SYNE3: variants seen among roughly 807,000 people sequenced by gnomAD.
SYNE3 encodes spectrin repeat containing nuclear envelope family member 3.
A neutral mutation model predicts 111.2 loss-of-function variants in SYNE3; 100 were observed. The ratio of observed to expected loss-of-function variants is 0.90; its 90% CI spans 0.77 to 1.06. The LOEUF (loss-of-function observed/expected upper bound fraction) is 1.06. Ranked by LOEUF, SYNE3 falls within the 50% of genes least tolerant of loss-of-function variation. The pLI, the probability that SYNE3 is intolerant of heterozygous loss-of-function variation, is 0.00. For missense variants in SYNE3, 1,160 were observed against 1,240.3 expected, an observed-to-expected ratio of 0.94 and a Z score of 0.97; for synonymous variants, 547 against 533.9, an observed-to-expected ratio of 1.02 and a Z score of -0.34.
intron 4 of SYNE3, among the ~76,000 whole-genome samples, chr14:95,463,102 G>C (rs1887942560): frequency 6.6e-6 from 1 of 152,198 alleles, no homozygotes; most frequent in South Asian, 2.1e-4. Context: ...GTTGCAGTGA[G>C]CTGAGATCAT....
chr14:95,457,187 G>A lies in SYNE3; in HGVS notation c.779C>T (p.Ser260Phe). Reference sequence around the variant, plus strand: ...ACAGCTGGGGATTACCTGCAGTGTGGAGAGGCGCTGCGTGATGGGCAGCTT... The same window carrying A: ...ACAGCTGGGGATTACCTGCAGTGTGAAGAGGCGCTGCGTGATGGGCAGCTT... ...NCKLPITQRLSTLQDIAKDFP... is the reference protein window; with the variant it reads ...NCKLPITQRLFTLQDIAKDFP... Residue 260 changes from serine to phenylalanine, a missense_variant, in exon 5 of 18, where the codon TCC becomes TTC. Transcript: ENST00000682763. 6.2e-7 allele frequency: 1 copy of A among 1,613,754 alleles called. No individual in the cohort carries two copies. Among genetic ancestry groups the A allele is most frequent in the Middle Eastern group, 1.7e-4 (1 of 6,056 alleles).
intron 9 of SYNE3, 43 bp from the exon 10 acceptor site, chr14:95,444,671 A>G (rs9919887): frequency 0.2 from 309,783 of 1,522,908 alleles, 34,398 homozygotes; most frequent in Admixed American, 0.43. Flanking sequence ...AGCGTTCCTC[A>G]TGAGCACCGT....
intron 5 of SYNE3, 89 bp from the exon 6 acceptor site, chr14:95,455,813 C>T (rs1383653018): frequency 2.3e-6 from 3 of 1,310,312 alleles, no homozygotes; most frequent in Middle Eastern, 1.9e-4. Flanking sequence ...GACTGCCCTG[C>T]AAAACACTGA....
chr14:95,424,710 A>C (rs760796479), intron 17 of SYNE3, among the ~76,000 whole-genome samples: 1 of 152,240 alleles, frequency 6.6e-6, no homozygotes, highest in African/African-American at 2.4e-5. Context: ...AGGAAACAGC[A>C]GGGAAACCCA....
Position 95,481,933 on chromosome 14 carries a change from G to A in SYNE3, c.-14-6098C>T, listed in dbSNP as rs550894602. 6.6e-5 allele frequency among the ~76,000 whole-genome samples: 10 copies of A among 152,368 alleles called. 1 individual carries two copies. In the South Asian group the frequency reaches 1.7e-3, roughly 25 times the overall value. On this transcript the variant is annotated intron_variant, in intron 1 of 17. Coordinates refer to ENST00000682763, the MANE Select transcript of SYNE3 (RefSeq NM_152592.6). Reference sequence around the variant, plus strand: ...CGCCTGCTGGGTCAGCACGTGGATTGCCAACTGAGGCTGAGGGCCCTGTGT... The same window carrying A: ...CGCCTGCTGGGTCAGCACGTGGATTACCAACTGAGGCTGAGGGCCCTGTGT...
intron 17 of SYNE3, among the ~76,000 whole-genome samples, chr14:95,431,441 C>T (rs547681021): frequency 2.6e-5 from 4 of 152,318 alleles, no homozygotes; most frequent in Admixed American, 1.3e-4. Context: ...CAACTTAGCA[C>T]AGTTCCTGGC....
intron 1 of SYNE3, among the ~76,000 whole-genome samples, chr14:95,495,975 C>CAG (rs1890075606): frequency 6.6e-6 from 1 of 152,164 alleles, no homozygotes; most frequent in Non-Finnish European, 1.5e-5. Context: ...ATGAATCAGG[C>CAG]AGAGCACCTT....
chr14:95,444,373 T>C (rs1886581676), intron 10 of SYNE3, 112 bp downstream of exon 10: 7 of 1,428,140 alleles, frequency 4.9e-6, no homozygotes, highest in Non-Finnish European at 6.5e-6. Flanking sequence ...AGGGTCTAAA[T>C]TTCTGGCTCA....
Position 95,470,129 on chromosome 14 carries a change from C to G in SYNE3, c.145-2162G>C, listed in dbSNP as rs979330917. 6.6e-6 allele frequency among the ~76,000 whole-genome samples: 1 copy of G among 152,102 alleles called. No individual in the cohort carries two copies. Among genetic ancestry groups the G allele is most frequent in the African/African-American group, 2.4e-5 (1 of 41,408 alleles). ...GCCACAGCAAGTACCCACACAGGGA[C>G]CCCGAGTCCCTCTCAGCAGCGAGCA... is the stretch of plus-strand genomic sequence containing the variant. On this transcript the variant is annotated intron_variant, in intron 2 of 17. Coordinates refer to ENST00000682763, the MANE Select transcript of SYNE3 (RefSeq NM_152592.6). This position sits in a 1 kb window ranked among gnomAD's most constrained non-coding sequence, Gnocchi z 4.2.
Position 95,433,259 on chromosome 14 carries a change from C to G in SYNE3, c.2688+1G>C. 6.2e-7 allele frequency: 1 copy of G among 1,613,314 alleles called. No homozygotes were observed. Among genetic ancestry groups the G allele is most frequent in the East Asian group, 2.2e-5 (1 of 44,870 alleles). ...GGGACCTGCACATCCTTGGCACCTA[C>G]CAGCAGGTGGCCAGAGTCCTTCAGC... On this transcript the variant is annotated splice_donor_variant, in intron 16 of 17. Transcript: ENST00000682763. LOFTEE classifies it high-confidence loss of function.
intron 15 of SYNE3, among the ~76,000 whole-genome samples, chr14:95,434,737 A>G (rs1885989017): frequency 6.6e-6 from 1 of 152,154 alleles, no homozygotes; most frequent in Non-Finnish European, 1.5e-5. Flanking sequence ...GGCTCACCGC[A>G]ACCTCTGCCT....
chr14:95,469,193 C>T (rs1332155612), intron 2 of SYNE3, among the ~76,000 whole-genome samples: 1 of 152,112 alleles, frequency 6.6e-6, no homozygotes, highest in Non-Finnish European at 1.5e-5. Context: ...GGTCAGTGTC[C>T]TTAGACTGGC....
chr14:95,482,835 C>G (rs912469783), intron 1 of SYNE3, among the ~76,000 whole-genome samples: 7 of 152,202 alleles, frequency 4.6e-5, no homozygotes, highest in Non-Finnish European at 8.8e-5. Context: ...CACATTATCC[C>G]TACTTTACAG....
chr14:95,476,568 C>T (rs1414960400), intron 1 of SYNE3, among the ~76,000 whole-genome samples: 1 of 152,250 alleles, frequency 6.6e-6, no homozygotes, highest in Non-Finnish European at 1.5e-5. Context: ...TTTGACTTCC[C>T]CTGGGCTATG....
In SYNE3 at chr14:95,450,035, G is replaced by A. The variant is rs1310544809; in HGVS notation, c.1345C>T (p.Leu449=). ...GCCTTCCACAGCTGCAGATCCTGCA[G>A]AGGCCGCTGGAAATGCTGCCACAGC... is the stretch of plus-strand genomic sequence containing the variant. The part of the protein sequence containing the change: ...VELWQHFQRP[L]QDLQLWKALA... Residue 449 remains leucine, a synonymous_variant, in exon 8 of 18, where the codon CTG becomes TTG. Transcript: ENST00000682763. 6.4e-7 allele frequency: 1 copy of A among 1,562,012 alleles called. No homozygotes were observed. Among genetic ancestry groups the A allele is most frequent in the Admixed American group, 1.9e-5 (1 of 52,864 alleles).
At chr14:95,441,718 G>A (rs748787553) in intron 11 of SYNE3, among the ~76,000 whole-genome samples, 3 of 152,144 alleles carry the variant, frequency 2.0e-5, no homozygotes, top group Non-Finnish European at 2.9e-5. Context: ...CTACTGCCTC[G>A]ACCTTGAAAC....
intron 4 of SYNE3, among the ~76,000 whole-genome samples, chr14:95,457,906 T>C (rs997378681): frequency 6.6e-6 from 1 of 152,170 alleles, no homozygotes; most frequent in African/African-American, 2.4e-5. Context: ...GAAACCAGCA[T>C]TTCTAGCTCC....
At chr14:95,454,564 G>A (rs968063410) in intron 6 of SYNE3, among the ~76,000 whole-genome samples, 6 of 152,366 alleles carry the variant, frequency 3.9e-5, no homozygotes, top group Admixed American at 6.5e-5. Flanking sequence ...GTTCCCTTTG[G>A]AGGAAGGTGA....
At chr14:95,460,359 G>T (rs966077678) in intron 4 of SYNE3, among the ~76,000 whole-genome samples, 1 of 139,640 alleles carries the variant, frequency 7.2e-6, no homozygotes, top group East Asian at 2.1e-4. Flanking sequence ...GGTGCACCAC[G>T]ATGCCTAGTT....
Sources: allele counts gnomAD v4.1 joint callset (sites outside exome capture counted in the v4.1 genomes callset), GRCh38; gene constraint gnomAD v4.1.1; non-coding constraint Gnocchi (gnomAD v3.1); transcripts MANE v1.5; gene names NCBI Gene and HGNC (gene_info 2026-07-23, HGNC 2026-07-21).